Variants in PKD2L1 observed in about 807,000 individuals in gnomAD.
The protein encoded by PKD2L1 is polycystin-2-like protein 1.
PKD2L1 carries 77 observed loss-of-function variants against 93.0 expected under a neutral mutation model. The observed-to-expected ratio is 0.83, with a 90% confidence interval of 0.69 to 1.00. The LOEUF is 1.00. Among genes scored for constraint, PKD2L1 ranks in the 50% least tolerant of loss-of-function variants. PKD2L1 has a pLI of 0.00. For synonymous variants in PKD2L1, 390 were observed against 388.0 expected (o/e 1.01, Z -0.06); for missense variants, 977 against 990.9 (o/e 0.99, Z 0.19).
intron 3 of PKD2L1, 120 bp from the exon 4 acceptor site, chr10:100,298,935 AT>A: frequency 5.6e-6 from 4 of 719,522 alleles, no homozygotes; most frequent in Non-Finnish European, 6.1e-6. Context: ...TTAAAAAATT[AT>A]TGTTATTATT....
intron 2 of PKD2L1, among the ~76,000 whole-genome samples, chr10:100,319,191 G>C (rs191821881): frequency 2.0e-4 from 31 of 152,300 alleles, no homozygotes; most frequent in African/African-American, 7.2e-4. Flanking sequence ...GACAGGGAAT[G>C]GCAACTAATA....
rs888398534 is a variant in PKD2L1, at chr10:100,296,282, A to G, written c.1196T>C (p.Val399Ala). The G allele has an allele frequency of 6.3e-6, 10 of 1,594,342 alleles. No individual in the cohort carries two copies. The highest frequency in any genetic ancestry group is 1.8e-5 in the Admixed American group (1 of 54,898). The change falls in exon 7 of 16, where the codon GTG becomes GCG. Residue 399 changes from valine (V) to alanine (A), a missense_variant. Transcript: ENST00000318222. ...LDLVVILLSI[V>A]AVGFHIFRTL... ...TCGGAATATGTGGAAGCCCACAGCC[A>G]CAATGGAGAGCTGTCACACAGGGGT...
In PKD2L1 at chr10:100,329,235, C is replaced by T. The variant is rs1564618307; in HGVS notation, c.325G>A (p.Val109Met). Reference protein sequence around the residue: ...TTLRELLVYIVFLVDICLLTY... With the variant: ...TTLRELLVYIMFLVDICLLTY... ...CGTAGACAGATGTCCACCAGGAACACAATATATACCAACAGCTCCCTCAGG... is the reference window on the plus strand; with the variant it reads ...CGTAGACAGATGTCCACCAGGAACATAATATATACCAACAGCTCCCTCAGG... The change falls in exon 2 of 16, where the codon GTG becomes ATG. Residue 109 changes from valine to methionine, a missense_variant. By Grantham distance (21) the Val-to-Met change is conservative. Coordinates refer to ENST00000318222, the MANE Select transcript of PKD2L1 (RefSeq NM_016112.3). 1 of 1,614,114 alleles carries T rather than the reference C, an allele frequency of 6.2e-7. No homozygotes were observed. The highest frequency in any genetic ancestry group is 8.5e-7 in the Non-Finnish European group (1 of 1,179,958).
chr10:100,322,575 T>C lies in PKD2L1; in HGVS notation c.349+6636A>G, dbSNP rs116942769. Among the ~76,000 whole-genome samples, 1,504 of 152,334 alleles carry C rather than the reference T, an allele frequency of 9.9e-3. 13 individuals carry two copies. Among genetic ancestry groups the C allele is most frequent in the Non-Finnish European group, 0.018 (1,212 of 68,028 alleles). On this transcript the variant is annotated intron_variant, in intron 2 of 15. Transcript: ENST00000318222. ...GTAAGAATGTATGCATAAACACCGG[T>C]AATAAGAAAAATGAAAAATTCTTTA...
chr10:100,317,464 A>G (rs1286983330), intron 2 of PKD2L1, among the ~76,000 whole-genome samples: 2 of 152,110 alleles, frequency 1.3e-5, no homozygotes, highest in Non-Finnish European at 2.9e-5. Flanking sequence ...GCTTGAGCCC[A>G]AGAGGTCAAG....
intron 2 of PKD2L1, among the ~76,000 whole-genome samples, chr10:100,318,432 T>A (rs1849149591): frequency 6.6e-6 from 1 of 152,112 alleles, no homozygotes; most frequent in Non-Finnish European, 1.5e-5. Context: ...TAATACGAGT[T>A]ATATGCTCTT....
In PKD2L1 at chr10:100,288,959, C is replaced by A; in HGVS notation, c.2335+13G>T. 1 of 1,568,160 alleles carries A rather than the reference C, an allele frequency of 6.4e-7. No homozygotes were observed. The stretch of plus-strand genomic sequence containing the variant: ...GAAGCCTGCTGTCTGATGCTTTAGG[C>A]CCCCTTCCTCACCACTCTCCTGCCC... On this transcript the variant is annotated intron_variant, in intron 15 of 15. Transcript: ENST00000318222.
At chr10:100,315,010 GGA>G (rs1849057678) in intron 2 of PKD2L1, among the ~76,000 whole-genome samples, 1 of 9,552 alleles carries the variant, frequency 1.0e-4, no homozygotes, top group Non-Finnish European at 1.7e-4. Context: ...AAGGAAGGAA[GGA>G]AGGGAAGGGA....
At position 100,292,934 on chromosome 10, in the gene PKD2L1, C is replaced by T. The variant is rs113840726; in HGVS notation, c.1880+14G>A. The T allele has an allele frequency of 4.3e-6, 7 of 1,610,996 alleles. No homozygotes were observed. Among genetic ancestry groups the T allele is most frequent in the African/African-American group, 4.0e-5 (3 of 74,844 alleles). ...AGACTGTTATTAGAGAAGGCTGGGTCTCTGGTTGCTCACTCCCTTAAGGTG... is the reference window on the plus strand; with the variant it reads ...AGACTGTTATTAGAGAAGGCTGGGTTTCTGGTTGCTCACTCCCTTAAGGTG... On this transcript the variant is annotated intron_variant, in intron 11 of 15. Transcript: ENST00000318222.
At chr10:100,306,859 A>AAAAAAAAAAAAAG (rs1848813972) in intron 2 of PKD2L1, among the ~76,000 whole-genome samples, 1 of 148,404 alleles carries the variant, frequency 6.7e-6, no homozygotes, top group Non-Finnish European at 1.5e-5. Flanking sequence ...CCCTGTCAAA[A>AAAAAAAAAAAAAG]AAAAAAAAAA....
chr10:100,321,139 A>T (rs1437243837), intron 2 of PKD2L1, among the ~76,000 whole-genome samples: 2 of 152,076 alleles, frequency 1.3e-5, no homozygotes, highest in Non-Finnish European at 2.9e-5. Flanking sequence ...ACTTGAGCTC[A>T]GGAGTTGAAG....
intron 2 of PKD2L1, among the ~76,000 whole-genome samples, chr10:100,308,487 A>C (rs1194997249): frequency 6.6e-6 from 1 of 151,840 alleles, no homozygotes; most frequent in Non-Finnish European, 1.5e-5. Flanking sequence ...GGCATGCACC[A>C]CTACACCTGG....
At position 100,289,031 on chromosome 10, in the gene PKD2L1, G is replaced by C. The variant is rs370879270; in HGVS notation, c.2276C>G (p.Pro759Arg). 4 of 1,612,842 alleles carry C rather than the reference G, an allele frequency of 2.5e-6. No individual in the cohort carries two copies. The highest frequency in any genetic ancestry group is 2.5e-6 in the Non-Finnish European group (3 of 1,179,222). The change falls in exon 15 of 16, where the codon CCG becomes CGG. Residue 759 changes from proline (P) to arginine (R), a missense_variant. By Grantham distance (103) the Pro-to-Arg change is moderately radical (BLOSUM62 -2). Coordinates refer to ENST00000318222, the MANE Select transcript of PKD2L1 (RefSeq NM_016112.3). Reference protein sequence around the residue: ...GVKEQAIWKHPQPAPAVTPDP... With the variant: ...GVKEQAIWKHRQPAPAVTPDP... ...TGGGGTCACAGCTGGGGCTGGCTGC[G>C]GGTGCTTCCAAATAGCTTGTTCCTT...
rs1564883180 is a variant in PKD2L1, at chr10:100,297,431, T to C, written c.907A>G (p.Ile303Val). 1 of 1,614,150 alleles carries C rather than the reference T, an allele frequency of 6.2e-7. No homozygotes were observed. The highest frequency in any genetic ancestry group is 8.5e-7 in the Non-Finnish European group (1 of 1,180,014). The change falls in exon 5 of 16, where the codon ATC becomes GTC. Residue 303 changes from isoleucine (I) to valine (V), a missense_variant. Ile to Val is a conservative substitution (Grantham distance 29). Coordinates refer to ENST00000318222, the MANE Select transcript of PKD2L1 (RefSeq NM_016112.3). Reference sequence around the variant, plus strand: ...TTGGCATTGTAGACTGAGAAGTCGATGAACACCACTCGAGTGCCCCTGTCC... The same window carrying C: ...TTGGCATTGTAGACTGAGAAGTCGACGAACACCACTCGAGTGCCCCTGTCC... ...WLDRGTRVVF[I>V]DFSVYNANIN...
In PKD2L1 at chr10:100,304,292, G is replaced by A. The variant is rs972725303; in HGVS notation, c.350-4574C>T. 3.3e-5 allele frequency among the ~76,000 whole-genome samples: 5 copies of A among 152,106 alleles called. 1 individual carries two copies. The South Asian group carries it at 1.0e-3, about 32-fold the overall frequency. On this transcript the variant is annotated intron_variant, in intron 2 of 15. Coordinates refer to ENST00000318222, the MANE Select transcript of PKD2L1 (RefSeq NM_016112.3). ...AATTTTGTACTCCATCCCATGAGAT[G>A]AGGGGTACTTTCCCACCATTTTATG... is the stretch of plus-strand genomic sequence containing the variant.
In PKD2L1 at chr10:100,296,286, T is replaced by A; in HGVS notation, c.1192A>T (p.Ile398Phe). 6.3e-7 allele frequency: 1 copy of A among 1,591,216 alleles called. No homozygotes were observed. Among genetic ancestry groups the A allele is most frequent in the Non-Finnish European group, 8.5e-7 (1 of 1,171,984 alleles). Residue 398 changes from isoleucine (I) to phenylalanine (F), a missense_variant, in exon 7 of 16, where the codon ATT (isoleucine) becomes TTT (phenylalanine). By Grantham distance (21) the Ile-to-Phe change is conservative. Coordinates refer to ENST00000318222, the MANE Select transcript of PKD2L1 (RefSeq NM_016112.3). ...ILDLVVILLS[I>F]VAVGFHIFRT... ...AATATGTGGAAGCCCACAGCCACAA[T>A]GGAGAGCTGTCACACAGGGGTCATG... is the stretch of plus-strand genomic sequence containing the variant.
At position 100,297,561 on chromosome 10, in the gene PKD2L1, C is replaced by G; in HGVS notation, c.777G>C (p.Trp259Cys). Residue 259 changes from tryptophan (W) to cysteine (C), a missense_variant, in exon 5 of 16, where the codon TGG (tryptophan) becomes TGC (cysteine). By Grantham distance (215) the Trp-to-Cys change is radical. Coordinates refer to ENST00000318222, the MANE Select transcript of PKD2L1 (RefSeq NM_016112.3). The stretch of plus-strand genomic sequence containing the variant: ...CTCCGCTGTAGCTTGTGAGCCTGCC[C>G]CAGTGGGAGAAGCCCCCCAACTCAT... ...SQDELGGFSHWGRLTSYSGGG... is the reference protein window; with the variant it reads ...SQDELGGFSHCGRLTSYSGGG... 6.2e-7 allele frequency: 1 copy of G among 1,614,074 alleles called. No homozygotes were observed. Among genetic ancestry groups the G allele is most frequent in the Non-Finnish European group, 8.5e-7 (1 of 1,180,026 alleles).
intron 2 of PKD2L1, among the ~76,000 whole-genome samples, chr10:100,305,657 G>T (rs1289983030): frequency 2.0e-5 from 3 of 152,170 alleles, no homozygotes; most frequent in Non-Finnish European, 2.9e-5. Flanking sequence ...ACAGCGTGAA[G>T]GTAGAAATGG....
rs1261021812 is a variant in PKD2L1 at position 100,297,603 on chromosome 10, C to G, written c.735G>C (p.Trp245Cys). The G allele has an allele frequency of 6.2e-7, 1 of 1,612,262 alleles. No homozygotes were observed. The highest frequency in any genetic ancestry group is 1.1e-5 in the South Asian group (1 of 91,000). The change falls in exon 5 of 16, where the codon TGG (tryptophan) becomes TGC (cysteine). Residue 245 changes from tryptophan to cysteine, a missense_variant. Physicochemically the swap from Trp to Cys is radical, Grantham distance 215. Coordinates refer to ENST00000318222, the MANE Select transcript of PKD2L1 (RefSeq NM_016112.3). Reference sequence around the variant, plus strand: ...CCAACTCATCCTGCGAGTGGTATGTCCACCTGCCACAGAAAATGCCAGCTG... The same window carrying G: ...CCAACTCATCCTGCGAGTGGTATGTGCACCTGCCACAGAAAATGCCAGCTG... ...LPFGPFNGTA[W>C]TYHSQDELGG...
Sources: allele counts gnomAD v4.1 joint callset (sites outside exome capture counted in the v4.1 genomes callset), GRCh38; gene constraint gnomAD v4.1.1; transcripts MANE v1.5; gene names NCBI Gene and HGNC (gene_info 2026-07-23, HGNC 2026-07-21).